Variants in FAT3 observed in about 807,000 individuals in gnomAD.
FAT3 encodes FAT atypical cadherin 3, also known as protocadherin Fat 3.
In FAT3, 95 loss-of-function variants were observed where a neutral mutation model predicts 310.2. The observed-to-expected ratio is 0.31, with a 90% CI of 0.26 to 0.36. The LOEUF (loss-of-function observed/expected upper bound fraction) is 0.36, where lower values mean the gene tolerates loss of function less well. Among genes scored for constraint, FAT3 ranks in the 10% least tolerant of loss-of-function variants. The probability of loss-of-function intolerance (pLI) is 1.00; values close to 1 mark genes in which losing one functional copy is unlikely to be tolerated. For missense variants in FAT3, 5,408 were observed against 5,715.6 expected (o/e 0.95, Z 1.74); for synonymous variants, 2,314 against 2,192.9 (o/e 1.06, Z -1.54).
At chr11:92,652,760 A>G (rs1305412029) in intron 3 of FAT3, among the ~76,000 whole-genome samples, 1 of 152,234 alleles carries the variant, frequency 6.6e-6, no homozygotes, top group Non-Finnish European at 1.5e-5. Context: ...CCCTTTAAAT[A>G]TAGAAGCTGG....
chr11:92,747,070 C>T (rs1206514239), intron 4 of FAT3, among the ~76,000 whole-genome samples: 1 of 152,208 alleles, frequency 6.6e-6, no homozygotes, highest in East Asian at 1.9e-4. Flanking sequence ...CTCACAGTTC[C>T]ACTAGGCAGT....
intron 3 of FAT3, among the ~76,000 whole-genome samples, chr11:92,639,063 T>C (rs1941868518): frequency 6.6e-6 from 1 of 152,196 alleles, no homozygotes; most frequent in Non-Finnish European, 1.5e-5. Context: ...ATTATGAGTA[T>C]ATTAATGCTA....
At chr11:92,343,978 G>A (rs11019913) in intron 1 of FAT3, among the ~76,000 whole-genome samples, 1 of 152,090 alleles carries the variant, frequency 6.6e-6, no homozygotes, top group Non-Finnish European at 1.5e-5. Flanking sequence ...TAGGTGTGGG[G>A]TATAGGGGGA....
At chr11:92,455,870 G>A (rs1951482032) in intron 2 of FAT3, among the ~76,000 whole-genome samples, 1 of 152,250 alleles carries the variant, frequency 6.6e-6, no homozygotes, top group East Asian at 1.9e-4. Context: ...ATGTATTGAT[G>A]CCTAACTTTT....
chr11:92,465,931 A>C, intron 2 of FAT3, among the ~76,000 whole-genome samples: 1 of 152,178 alleles, frequency 6.6e-6, no homozygotes. Context: ...TAAGAGTAAA[A>C]CATCAACAAA....
intron 2 of FAT3, among the ~76,000 whole-genome samples, chr11:92,494,214 T>C (rs960864788): frequency 1.3e-5 from 2 of 151,974 alleles, no homozygotes; most frequent in Non-Finnish European, 2.9e-5. Flanking sequence ...ACTGCCCCCA[T>C]GATCCAACCA....
chr11:92,782,442 G>C (rs1591724633), intron 7 of FAT3, among the ~76,000 whole-genome samples: 1 of 152,124 alleles, frequency 6.6e-6, no homozygotes, highest in South Asian at 2.1e-4. Context: ...GACAGGTATG[G>C]TGGCACACAC....
intron 1 of FAT3, among the ~76,000 whole-genome samples, chr11:92,326,818 A>G (rs1947781331): frequency 6.6e-6 from 1 of 152,212 alleles, no homozygotes; most frequent in Non-Finnish European, 1.5e-5. Flanking sequence ...CTCAAGACTT[A>G]GAAATAGGGA....
intron 1 of FAT3, among the ~76,000 whole-genome samples, chr11:92,260,277 G>A (rs1317468623): frequency 6.6e-6 from 1 of 151,830 alleles, no homozygotes; most frequent in Admixed American, 6.6e-5. Context: ...TTTTAAGAGC[G>A]GTCATTTGTA....
intron 7 of FAT3, among the ~76,000 whole-genome samples, chr11:92,774,414 G>A (rs1946544036): frequency 6.6e-6 from 1 of 152,200 alleles, no homozygotes; most frequent in Admixed American, 6.5e-5. Flanking sequence ...AATAATGCGT[G>A]TTTCTTTCCT....
chr11:92,613,708 G>A (rs1261031090), intron 3 of FAT3, among the ~76,000 whole-genome samples: 1 of 152,136 alleles, frequency 6.6e-6, no homozygotes, highest in Non-Finnish European at 1.5e-5. Context: ...CAACTGTACT[G>A]GGAAGCTGAT....
intron 19 of FAT3, among the ~76,000 whole-genome samples, chr11:92,848,146 C>A (rs1461014758): frequency 6.6e-6 from 1 of 152,230 alleles, no homozygotes; most frequent in African/African-American, 2.4e-5. Flanking sequence ...CTCCTCCCAA[C>A]TTCCAGCTCA....
At chr11:92,846,911 C>T (rs1948696634) in intron 19 of FAT3, among the ~76,000 whole-genome samples, 1 of 152,148 alleles carries the variant, frequency 6.6e-6, no homozygotes, top group South Asian at 2.1e-4. Flanking sequence ...AAAGGAGCTC[C>T]AAAGGTCATC....
At position 92,366,755 on chromosome 11, in the gene FAT3, A is replaced by G. The variant is rs989880641; in HGVS notation, c.3292+11351A>G. On this transcript the variant is annotated intron_variant, in intron 2 of 27. Coordinates refer to ENST00000525166, the MANE Select transcript of FAT3 (RefSeq NM_001367949.2). Reference sequence around the variant, plus strand: ...CTGGGGAGCTATTTCTTCATTCCAAAAGAGTAGAGCTCTGGTGGTAGTGTC... The same window carrying G: ...CTGGGGAGCTATTTCTTCATTCCAAGAGAGTAGAGCTCTGGTGGTAGTGTC... The G allele has an allele frequency of 1.9e-5, 10 of 533,822 alleles. No homozygotes were observed. In the African/African-American group the frequency reaches 1.9e-4, roughly 10 times the overall value. The allele number at this position is 533,822 out of a possible 1,614,324, so 33.1% of individuals were successfully genotyped here.
chr11:92,527,325 A>G (rs1359523246), intron 3 of FAT3, among the ~76,000 whole-genome samples: 1 of 152,220 alleles, frequency 6.6e-6, no homozygotes, highest in Non-Finnish European at 1.5e-5. Flanking sequence ...GAGTAAAAAT[A>G]GTTGCAAGGA....
chr11:92,499,532 G>T (rs1952866368), intron 2 of FAT3, among the ~76,000 whole-genome samples: 1 of 152,022 alleles, frequency 6.6e-6, no homozygotes, highest in African/African-American at 2.4e-5. Context: ...GACATAGGCA[G>T]TCCTGATTTT....
At chr11:92,282,220 A>T (rs1946444480) in intron 1 of FAT3, among the ~76,000 whole-genome samples, 1 of 152,100 alleles carries the variant, frequency 6.6e-6, no homozygotes, top group African/African-American at 2.4e-5. Flanking sequence ...CTCCTTGAGG[A>T]CCTTCCTGAT....
At chr11:92,779,118 A>G (rs539565012) in intron 7 of FAT3, among the ~76,000 whole-genome samples, 51 of 152,236 alleles carry the variant, frequency 3.4e-4, no homozygotes, top group Admixed American at 2.8e-3. Context: ...AGGAATCACA[A>G]GGAGCATTGG....
rs754877469 is a variant in FAT3, at chr11:92,837,638, C to CA, written c.10225-25_10225-24insA. ...AGGAAGGAAGCGCTACACCTCTTTA[C>CA]TGTCACCTCTTTGTACCTTGGCAGG... On this transcript the variant is annotated intron_variant, in intron 16 of 27. Coordinates refer to ENST00000525166, the MANE Select transcript of FAT3 (RefSeq NM_001367949.2). 2.0e-5 allele frequency: 33 copies of CA among 1,612,910 alleles called. No homozygotes were observed. In the African/African-American group the frequency reaches 3.7e-4, roughly 18 times the overall value.
Sources: allele counts gnomAD v4.1 joint callset (sites outside exome capture counted in the v4.1 genomes callset), GRCh38; gene constraint gnomAD v4.1.1; transcripts MANE v1.5; gene names NCBI Gene and HGNC (gene_info 2026-07-23, HGNC 2026-07-21).